CA8: variants seen among roughly 807,000 people sequenced by gnomAD.
CA8 encodes carbonic anhydrase 8 (inactive), also known as carbonic anhydrase-related protein.
In CA8, 22 loss-of-function variants were observed where a neutral mutation model predicts 41.4. That is an observed-to-expected ratio of 0.53 (90% CI 0.38 to 0.76). The LOEUF (loss-of-function observed/expected upper bound fraction) is 0.76, where lower values mean the gene tolerates loss of function less well. Among genes scored for constraint, CA8 ranks in the 30% least tolerant of loss-of-function variants. The pLI is 0.00. For synonymous variants in CA8, 121 were observed against 130.6 expected, an observed-to-expected ratio of 0.93 and a Z score of 0.50; for missense variants, 270 against 352.8, an observed-to-expected ratio of 0.77 and a Z score of 1.88.
At chr8:60,197,944 C>A (rs1178090393) in intron 8 of CA8, among the ~76,000 whole-genome samples, 1 of 152,140 alleles carries the variant, frequency 6.6e-6, no homozygotes, top group African/African-American at 2.4e-5. Context: ...AGTGCAAGCA[C>A]AAATTAGCAT....
intron 8 of CA8, among the ~76,000 whole-genome samples, chr8:60,198,699 T>A (rs74547542): frequency 0.017 from 2,621 of 152,236 alleles, 32 homozygotes; most frequent in Middle Eastern, 0.048. Flanking sequence ...TCAAAGTCAA[T>A]GAAATTAAGT....
At chr8:60,222,244 G>T (rs147962814) in intron 7 of CA8, among the ~76,000 whole-genome samples, 1 of 152,080 alleles carries the variant, frequency 6.6e-6, no homozygotes, top group Non-Finnish European at 1.5e-5. Flanking sequence ...CCTTCACCCC[G>T]CACATGCAGA....
chr8:60,192,933 TCATGCA>T (rs1806171144), intron 8 of CA8, among the ~76,000 whole-genome samples: 1 of 96,522 alleles, frequency 1.0e-5, no homozygotes, highest in East Asian at 2.7e-4. Context: ...CCTGTCAACA[TCATGCA>T]CACACACACA....
chr8:60,233,930 T>C (rs1807744116), intron 3 of CA8, among the ~76,000 whole-genome samples: 1 of 152,186 alleles, frequency 6.6e-6, no homozygotes, highest in African/African-American at 2.4e-5. Context: ...TTTAAAAAGC[T>C]GAGGGTCCCC....
chr8:60,276,224 AG>A (rs1411372264), intron 2 of CA8, among the ~76,000 whole-genome samples: 1 of 152,174 alleles, frequency 6.6e-6, no homozygotes, highest in Non-Finnish European at 1.5e-5. Flanking sequence ...CACGGCATCC[AG>A]GAAACATCCG....
intron 8 of CA8, among the ~76,000 whole-genome samples, chr8:60,207,326 T>C (rs1806627742): frequency 6.6e-6 from 1 of 152,228 alleles, no homozygotes; most frequent in Admixed American, 6.5e-5. Flanking sequence ...CATCAGAACA[T>C]TATATGAACA....
chr8:60,245,790 A>T (rs1808209510), intron 3 of CA8, among the ~76,000 whole-genome samples: 1 of 152,244 alleles, frequency 6.6e-6, no homozygotes, highest in Non-Finnish European at 1.5e-5. Context: ...CAGGAAAGGC[A>T]TCAATGGGTG....
intron 2 of CA8, among the ~76,000 whole-genome samples, chr8:60,275,437 T>G (rs1804199785): frequency 1.3e-5 from 2 of 151,666 alleles, no homozygotes; most frequent in African/African-American, 4.9e-5. Context: ...CATACATTCA[T>G]GAAATAAATA....
In CA8 at chr8:60,208,176, T is replaced by C. The variant is rs148357668; in HGVS notation, c.*35+574A>G. On this transcript the variant is annotated intron_variant, in intron 8 of 8. Coordinates refer to ENST00000317995, the MANE Select transcript of CA8 (RefSeq NM_004056.6). ...ATTGAATTCTATATATTAAAATACATAGATTATGTTTCAATCAATAGTGTA... is the reference window on the plus strand; with the variant it reads ...ATTGAATTCTATATATTAAAATACACAGATTATGTTTCAATCAATAGTGTA... 596 of 153,566 alleles carry C rather than the reference T, an allele frequency of 3.9e-3. 2 individuals are homozygous for C. The highest frequency in any genetic ancestry group is 6.4e-3 in the Non-Finnish European group (442 of 68,894). The allele number at this position is 153,566 out of a possible 1,614,324, so 9.5% of individuals were successfully genotyped here.
chr8:60,262,357 A>C (rs931654192), intron 3 of CA8, among the ~76,000 whole-genome samples: 1 of 148,836 alleles, frequency 6.7e-6, no homozygotes, highest in East Asian at 1.9e-4. Context: ...AAAAAAAATC[A>C]TATAGCATTA....
At chr8:60,197,963 T>C (rs1341654731) in intron 8 of CA8, among the ~76,000 whole-genome samples, 1 of 152,220 alleles carries the variant, frequency 6.6e-6, no homozygotes, top group Non-Finnish European at 1.5e-5. Context: ...ATAACCCTTG[T>C]AGAGGGTACT....
At chr8:60,252,180 C>A (rs1808477947) in intron 3 of CA8, among the ~76,000 whole-genome samples, 1 of 152,156 alleles carries the variant, frequency 6.6e-6, no homozygotes, top group African/African-American at 2.4e-5. Context: ...CACTGAAAAA[C>A]AGCATGAACA....
intron 7 of CA8, among the ~76,000 whole-genome samples, chr8:60,209,706 TGGAG>T (rs111964668): frequency 0.026 from 3,927 of 152,300 alleles, 186 homozygotes; most frequent in African/African-American, 0.088. Context: ...TCTAGCCCTC[TGGAG>T]AGCACAGGTC....
intron 7 of CA8, among the ~76,000 whole-genome samples, chr8:60,210,996 T>C (rs1203992892): frequency 6.6e-6 from 1 of 152,216 alleles, no homozygotes. Context: ...GAGAATCTTA[T>C]GCTTTTTCAA....
At chr8:60,194,777 C>T (rs1806232175) in intron 8 of CA8, among the ~76,000 whole-genome samples, 1 of 152,072 alleles carries the variant, frequency 6.6e-6, no homozygotes, top group African/African-American at 2.4e-5. Flanking sequence ...GTTACAAGAC[C>T]ATCTGCTTCC....
chr8:60,247,855 A>G (rs1219018426), intron 3 of CA8, among the ~76,000 whole-genome samples: 1 of 152,204 alleles, frequency 6.6e-6, no homozygotes, highest in Admixed American at 6.5e-5. Flanking sequence ...GGTTGAACTA[A>G]TTTACATTCA....
chr8:60,229,644 T>C (rs192485360), intron 4 of CA8, among the ~76,000 whole-genome samples: 144 of 152,296 alleles, frequency 9.5e-4, no homozygotes, highest in African/African-American at 3.3e-3. Context: ...AGGACACTGC[T>C]GGTACGTGCT....
At chr8:60,264,209 T>G (rs1322293903) in intron 3 of CA8, among the ~76,000 whole-genome samples, 1 of 152,214 alleles carries the variant, frequency 6.6e-6, no homozygotes, top group Non-Finnish European at 1.5e-5. Context: ...TAATTACGTT[T>G]CCTACAGCTT....
rs528182225 is a variant in CA8 at position 60,220,972 on chromosome 8, T to C, written c.738+1677A>G. On this transcript the variant is annotated intron_variant, in intron 7 of 8. Transcript: ENST00000317995. ...TCTATACAGAATGACTGCGAATGAC[T>C]ACACAGAGAAAAGCCTTCACTGCGA... 4.5e-4 allele frequency among the ~76,000 whole-genome samples: 69 copies of C among 152,272 alleles called. 1 individual carries two copies. The highest frequency in any genetic ancestry group is 1.6e-3 in the African/African-American group (67 of 41,566).
Sources: gnomAD v4.1 joint callset for allele counts (sites outside exome capture counted in the v4.1 genomes callset) on GRCh38, gnomAD v4.1.1 for gene constraint, MANE v1.5 for transcripts, NCBI Gene and HGNC (gene_info 2026-07-23, HGNC 2026-07-21) for gene names.